Variants in GRID1 observed in about 807,000 individuals in gnomAD.
The protein encoded by GRID1 is glutamate receptor ionotropic, delta-1.
A neutral mutation model predicts 98.0 loss-of-function variants in GRID1; 28 were observed. That is an observed-to-expected ratio of 0.29 (90% CI 0.21 to 0.39). GRID1 has a LOEUF of 0.39. Ranked by LOEUF, GRID1 falls within the 10% of genes least tolerant of loss-of-function variation. GRID1 has a pLI of 1.00. For missense variants in GRID1, 1,111 were observed against 1,340.5 expected (o/e 0.83, Z 2.67); for synonymous variants, 553 against 538.5 (o/e 1.03, Z -0.37).
chr10:85,780,348 C>A (rs1842370206), intron 8 of GRID1, among the ~76,000 whole-genome samples: 1 of 152,186 alleles, frequency 6.6e-6, no homozygotes, highest in Admixed American at 6.5e-5. Flanking sequence ...GATTTACAAA[C>A]CCAGGCCTAC....
chr10:85,823,374 AAG>A (rs1183705533), intron 8 of GRID1, among the ~76,000 whole-genome samples: 12 of 152,122 alleles, frequency 7.9e-5, no homozygotes, highest in Admixed American at 1.3e-4. Flanking sequence ...AATTACAAAA[AAG>A]AGAAAAATAA....
intron 4 of GRID1, among the ~76,000 whole-genome samples, chr10:86,117,418 TACC>T (rs933698963): frequency 6.7e-6 from 1 of 149,158 alleles, no homozygotes; most frequent in African/African-American, 2.5e-5. Flanking sequence ...CCATCACTAT[TACC>T]ACCACCAATA....
chr10:86,093,927 C>T (rs1480269669), intron 4 of GRID1, among the ~76,000 whole-genome samples: 1 of 152,158 alleles, frequency 6.6e-6, no homozygotes, highest in Non-Finnish European at 1.5e-5. Context: ...CCTTGATGAA[C>T]ATAGATGCTA....
chr10:85,902,204 T>C (rs1356844559), intron 5 of GRID1, among the ~76,000 whole-genome samples: 1 of 152,206 alleles, frequency 6.6e-6, no homozygotes, highest in Non-Finnish European at 1.5e-5. Context: ...AAACCCTATA[T>C]ATACTATAGT....
intron 3 of GRID1, among the ~76,000 whole-genome samples, chr10:86,160,741 G>T (rs1349913768): frequency 3.9e-5 from 6 of 152,232 alleles, no homozygotes; most frequent in Non-Finnish European, 8.8e-5. Context: ...TTCCAGGGGG[G>T]AATAATAACC....
intron 2 of GRID1, among the ~76,000 whole-genome samples, chr10:86,217,869 C>G (rs182398249): frequency 3.3e-5 from 5 of 152,192 alleles, no homozygotes; most frequent in Non-Finnish European, 7.4e-5. Flanking sequence ...AGTTAGACTC[C>G]TATGGACAGG....
At chr10:85,793,650 A>G (rs1842501199) in intron 8 of GRID1, among the ~76,000 whole-genome samples, 1 of 152,162 alleles carries the variant, frequency 6.6e-6, no homozygotes, top group Non-Finnish European at 1.5e-5. Context: ...ACTGATAGTA[A>G]CATTTACAAG....
At chr10:86,282,541 C>T (rs1847371078) in intron 2 of GRID1, among the ~76,000 whole-genome samples, 1 of 151,974 alleles carries the variant, frequency 6.6e-6, no homozygotes, top group Admixed American at 6.5e-5. Context: ...CTCATCAGCC[C>T]AGGAAAAAAA....
At chr10:86,221,968 A>G (rs931936916) in intron 2 of GRID1, among the ~76,000 whole-genome samples, 3 of 152,158 alleles carry the variant, frequency 2.0e-5, no homozygotes, top group African/African-American at 7.2e-5. Flanking sequence ...AGGCAGCAGG[A>G]ACAGCATCAG....
rs757331416 is a variant in GRID1, at chr10:85,602,265, C to T, written c.*8G>A. The T allele has an allele frequency of 4.2e-5, 62 of 1,484,510 alleles. No homozygotes were observed. Among genetic ancestry groups the T allele is most frequent in the African/African-American group, 8.4e-5 (6 of 71,072 alleles). The allele number at this position is 1,484,510 out of a possible 1,614,324, so 92.0% of individuals were successfully genotyped here. ...GTGGGAGGGTGGGCAGGAGGGCAGG[C>T]GGCGCAGTCAGATGGAGGTCCCGTG... On this transcript the variant is annotated 3_prime_UTR_variant, in exon 16 of 16. Transcript: ENST00000327946.
intron 8 of GRID1, among the ~76,000 whole-genome samples, chr10:85,820,286 T>G (rs1038582847): frequency 6.6e-6 from 1 of 152,088 alleles, no homozygotes; most frequent in Non-Finnish European, 1.5e-5. Context: ...ACTAACAATT[T>G]GTTATAGATT....
At chr10:86,248,951 T>G (rs1487847065) in intron 2 of GRID1, among the ~76,000 whole-genome samples, 1 of 152,262 alleles carries the variant, frequency 6.6e-6, no homozygotes, top group East Asian at 1.9e-4. Context: ...GTGCAGGACC[T>G]AGGAAACAGG....
At chr10:85,704,746 G>T (rs931336605) in intron 12 of GRID1, among the ~76,000 whole-genome samples, 2 of 152,152 alleles carry the variant, frequency 1.3e-5, no homozygotes, top group Admixed American at 1.3e-4. Flanking sequence ...AAATGTAAAA[G>T]AACAGAAATT....
Position 85,723,116 on chromosome 10 carries a change from C to T in GRID1, c.1884G>A (p.Met628Ile), listed in dbSNP as rs377062300. ...AGCTGCCCATCACGATGCGCATGGC[C>T]ATGGAGTTCACGGAAGATTCGCCAC... is the stretch of plus-strand genomic sequence containing the variant. The part of the protein sequence containing the change: ...QQGGESSVNS[M>I]AMRIVMGSWW... The change falls in exon 12 of 16, where the codon ATG (methionine) becomes ATA (isoleucine). Residue 628 changes from methionine to isoleucine, a missense_variant. Physicochemically the swap from Met to Ile is conservative, Grantham distance 10. This residue lies in a region of GRID1 where 762 missense variants were observed against 869.1 expected (regional missense o/e 0.88). Coordinates refer to ENST00000327946, the MANE Select transcript of GRID1 (RefSeq NM_017551.3). 1 of 1,609,878 alleles carries T rather than the reference C, an allele frequency of 6.2e-7. No individual in the cohort carries two copies. Among genetic ancestry groups the T allele is most frequent in the Non-Finnish European group, 8.5e-7 (1 of 1,178,100 alleles).
At chr10:86,297,399 G>C (rs538276434) in intron 2 of GRID1, among the ~76,000 whole-genome samples, 118 of 152,272 alleles carry the variant, frequency 7.7e-4, no homozygotes, top group Middle Eastern at 3.4e-3. Context: ...AATAAATTGC[G>C]CTGATAGTTT....
At chr10:85,859,239 A>G (rs1843141396) in intron 6 of GRID1, among the ~76,000 whole-genome samples, 2 of 152,340 alleles carry the variant, frequency 1.3e-5, no homozygotes, top group South Asian at 4.1e-4. Flanking sequence ...TGCTTAATGT[A>G]TGTTTCATGG....
chr10:85,851,217 C>A (rs892643095), intron 8 of GRID1, among the ~76,000 whole-genome samples: 3 of 152,208 alleles, frequency 2.0e-5, no homozygotes, highest in Non-Finnish European at 4.4e-5. Context: ...TACCACCCCC[C>A]ACCCCCAAGA....
At chr10:86,211,502 C>T (rs1451844369) in intron 2 of GRID1, among the ~76,000 whole-genome samples, 2 of 152,142 alleles carry the variant, frequency 1.3e-5, no homozygotes, top group Non-Finnish European at 2.9e-5. Flanking sequence ...GTGGGGGGTG[C>T]CCAGACAGCA....
chr10:85,974,721 T>G (rs1359908697), intron 4 of GRID1, among the ~76,000 whole-genome samples: 2 of 152,212 alleles, frequency 1.3e-5, no homozygotes, highest in Non-Finnish European at 2.9e-5. Flanking sequence ...TCATGGATGA[T>G]GGACATGTTG....
Sources: allele counts gnomAD v4.1 joint callset (sites outside exome capture counted in the v4.1 genomes callset), GRCh38; gene constraint gnomAD v4.1.1; regional missense constraint gnomAD v4.1.1; transcripts MANE v1.5; gene names NCBI Gene and HGNC (gene_info 2026-07-23, HGNC 2026-07-21).